Variants in LRIT2 observed in about 807,000 individuals in gnomAD.
The protein encoded by LRIT2 is leucine rich repeat, Ig-like and transmembrane domains 2.
LRIT2 carries 23 observed loss-of-function variants against 22.4 expected under a neutral mutation model. The observed-to-expected ratio is 1.03, with a 90% CI of 0.74 to 1.45. The LOEUF is 1.45. Ranked by LOEUF, LRIT2 falls within the 40% of genes most tolerant of loss-of-function variation. The pLI, the probability that LRIT2 is intolerant of heterozygous loss-of-function variation, is 0.00. For synonymous variants in LRIT2, 291 were observed against 267.1 expected, an observed-to-expected ratio of 1.09 and a Z score of -0.87; for missense variants, 784 against 665.6, an observed-to-expected ratio of 1.18 and a Z score of -1.96.
At position 84,222,526 on chromosome 10, in the gene LRIT2, G is replaced by T; in HGVS notation, c.1047C>A (p.Ala349=). Residue 349 remains alanine, a synonymous_variant, in exon 3 of 3, where the codon GCC becomes GCA. Transcript: ENST00000372113. ...VISLHVQPAQ[A]LHAPDSLSIP... ...TGGAAAGAGAATCAGGTGCATGTAG[G>T]GCCTGGGCAGGCTGGACATGGAGAG... 6.2e-7 allele frequency: 1 copy of T among 1,613,980 alleles called. No individual in the cohort carries two copies. The highest frequency in any genetic ancestry group is 8.5e-7 in the Non-Finnish European group (1 of 1,180,012).
Position 84,220,602 on chromosome 10 carries a change from AT to A in LRIT2, c.*1317del, listed in dbSNP as rs1243911336. 2 of 152,170 alleles carry A rather than the reference AT, an allele frequency of 1.3e-5. No individual in the cohort carries two copies. Among genetic ancestry groups the A allele is most frequent in the East Asian group, 3.8e-4 (2 of 5,202 alleles). The allele number at this position is 152,170 out of a possible 1,614,324, so 9.4% of individuals were successfully genotyped here. A position where few individuals can be genotyped will look rare whatever the true frequency, so the allele number is the denominator to read the frequency against. On this transcript the variant is annotated 3_prime_UTR_variant, in exon 3 of 3. Coordinates refer to ENST00000372113, the MANE Select transcript of LRIT2 (RefSeq NM_001017924.5). Reference sequence around the variant, plus strand: ...TGAGAGCCATCTTCAATTTTTTAAAATTTATTGTTAACTAACATTGATTATG... The same window carrying A: ...TGAGAGCCATCTTCAATTTTTTAAAATTATTGTTAACTAACATTGATTATG...
In LRIT2 at chr10:84,225,460, G is replaced by C. The variant is rs369307601; in HGVS notation, c.61C>G (p.Gln21Glu). ...VLVFLDTHAA[Q>E]PFCLPGCTCS... Reference sequence around the variant, plus strand: ...GTGCATCCTGGCAGACAGAAAGGCTGAGCTGCGTGTGTATCCAGAAAGACC... The same window carrying C: ...GTGCATCCTGGCAGACAGAAAGGCTCAGCTGCGTGTGTATCCAGAAAGACC... Residue 21 changes from glutamine (Q) to glutamate (E), a missense_variant, in exon 1 of 3, where the codon CAG (glutamine) becomes GAG (glutamate). By Grantham distance (29) the Gln-to-Glu change is conservative (BLOSUM62 2). Transcript: ENST00000372113. The C allele has an allele frequency of 1.9e-5, 30 of 1,614,194 alleles. No individual in the cohort carries two copies. The highest frequency in any genetic ancestry group is 2.3e-5 in the Non-Finnish European group (27 of 1,180,040).
chr10:84,222,209 C>T lies in LRIT2; in HGVS notation c.1364G>A (p.Gly455Asp). ...CVAFVTGRDA[G>D]GLEAREHLLH... is the part of the protein sequence containing the mutation. ...GAGGTGCTCACGTGCCTCTAGCCCA[C>T]CAGCATCTCTGCCTGTTACAAAAGC... is the stretch of plus-strand genomic sequence containing the variant. Residue 455 changes from glycine (G) to aspartate (D), a missense_variant, in exon 3 of 3, where the codon GGT becomes GAT. By Grantham distance (94) the Gly-to-Asp change is moderately conservative. Transcript: ENST00000372113. The T allele has an allele frequency of 6.2e-7, 1 of 1,614,228 alleles. No individual in the cohort carries two copies. Among genetic ancestry groups the T allele is most frequent in the Non-Finnish European group, 8.5e-7 (1 of 1,180,050 alleles).
chr10:84,224,819 G>A lies in LRIT2; in HGVS notation c.406C>T (p.Arg136Cys), dbSNP rs763874055. 5.6e-6 allele frequency: 9 copies of A among 1,613,982 alleles called. No homozygotes were observed. The highest frequency in any genetic ancestry group is 1.1e-5 in the South Asian group (1 of 91,080). Residue 136 changes from arginine (R) to cysteine (C), a missense_variant, in exon 2 of 3, where the codon CGC (arginine) becomes TGC (cysteine). By Grantham distance (180) the Arg-to-Cys change is radical. Coordinates refer to ENST00000372113, the MANE Select transcript of LRIT2 (RefSeq NM_001017924.5). ...TPLLRVLDLK[R>C]NKIDALPELA... is the part of the protein sequence containing the mutation. ...TCAGGGAGTGCATCAATCTTGTTGCGTTTGAGATCCAAGACCCTCAGGAGA... is the reference window on the plus strand; with the variant it reads ...TCAGGGAGTGCATCAATCTTGTTGCATTTGAGATCCAAGACCCTCAGGAGA...
intron 2 of LRIT2, among the ~76,000 whole-genome samples, chr10:84,223,737 T>C (rs1842534312): frequency 6.6e-6 from 1 of 152,088 alleles, no homozygotes; most frequent in Admixed American, 6.6e-5. Context: ...CCAGCTGAGG[T>C]ATGAAAACAG....
At position 84,221,156 on chromosome 10, in the gene LRIT2, C is replaced by G. The variant is rs34338184; in HGVS notation, c.*764G>C. 3 of 152,268 alleles carry G rather than the reference C, an allele frequency of 2.0e-5. No homozygotes were observed. Among genetic ancestry groups the G allele is most frequent in the Non-Finnish European group, 2.9e-5 (2 of 68,070 alleles). 9.4% of individuals were successfully genotyped at this position (152,268 alleles called of 1,614,324 possible). On this transcript the variant is annotated 3_prime_UTR_variant, in exon 3 of 3. Transcript: ENST00000372113. Reference sequence around the variant, plus strand: ...GGTATGGCCCTGCAGAGTCTGCTCTCTGCCAGACCCAGGGCTGCAGCCAAT... The same window carrying G: ...GGTATGGCCCTGCAGAGTCTGCTCTGTGCCAGACCCAGGGCTGCAGCCAAT...
rs1295110262 is a variant in LRIT2 at position 84,224,596 on chromosome 10, C to T, written c.629G>A (p.Gly210Glu). 1.9e-6 allele frequency: 3 copies of T among 1,613,556 alleles called. No individual in the cohort carries two copies. The highest frequency in any genetic ancestry group is 2.2e-5 in the East Asian group (1 of 44,874). Reference protein sequence around the residue: ...NPWVCDCRLRGLVQFVKSITL... With the variant: ...NPWVCDCRLRELVQFVKSITL... ...AATGGACTTGACAAACTGGACAAGC[C>T]CCCTTAGGCGACAGTCACATACCCA... The change falls in exon 2 of 3, where the codon GGG becomes GAG. Residue 210 changes from glycine (G) to glutamate (E), a missense_variant. Physicochemically the swap from Gly to Glu is moderately conservative, Grantham distance 98. Transcript: ENST00000372113.
chr10:84,222,383 T>C lies in LRIT2; in HGVS notation c.1190A>G (p.Tyr397Cys). Residue 397 changes from tyrosine to cysteine, a missense_variant, in exon 3 of 3, where the codon TAC becomes TGC. Coordinates refer to ENST00000372113, the MANE Select transcript of LRIT2 (RefSeq NM_001017924.5). ...CCTGAAGGCTTCATCCGATGCAATG[T>C]AGAGGGTGAACCACTCCTCCTTAGA... is the stretch of plus-strand genomic sequence containing the variant. The part of the protein sequence containing the change: ...DTSKEEWFTL[Y>C]IASDEAFRKE... The C allele has an allele frequency of 6.2e-7, 1 of 1,614,144 alleles. No homozygotes were observed. Among genetic ancestry groups the C allele is most frequent in the Non-Finnish European group, 8.5e-7 (1 of 1,180,024 alleles).
chr10:84,224,147 A>G (rs898026758), intron 2 of LRIT2, among the ~76,000 whole-genome samples, 186 bp downstream of exon 2: 1 of 152,262 alleles, frequency 6.6e-6, no homozygotes, highest in African/African-American at 2.4e-5. Flanking sequence ...CATTTAAAAT[A>G]ATGCCAATAG....
intron 2 of LRIT2, 38 bp from the exon 3 acceptor site, chr10:84,222,718 C>A (rs763958229): frequency 2.5e-5 from 40 of 1,608,714 alleles, no homozygotes; most frequent in Non-Finnish European, 3.4e-5. Flanking sequence ...GTGCATTTAT[C>A]TGATAGACTG....
At position 84,224,604 on chromosome 10, in the gene LRIT2, G is replaced by A. The variant is rs1009587990; in HGVS notation, c.621C>T (p.Arg207=). 2 of 1,613,604 alleles carry A rather than the reference G, an allele frequency of 1.2e-6. No homozygotes were observed. The highest frequency in any genetic ancestry group is 2.7e-5 in the African/African-American group (2 of 74,884). ...TGACAAACTGGACAAGCCCCCTTAG[G>A]CGACAGTCACATACCCAGGGGTTGT... ...LHDNPWVCDC[R]LRGLVQFVKS... is the part of the protein sequence containing the mutation. The change falls in exon 2 of 3, where the codon CGC becomes CGT. Residue 207 remains arginine (R), a synonymous_variant. Coordinates refer to ENST00000372113, the MANE Select transcript of LRIT2 (RefSeq NM_001017924.5).
rs975812497 is a variant in LRIT2 at position 84,221,169 on chromosome 10, G to T, written c.*751C>A. On this transcript the variant is annotated 3_prime_UTR_variant, in exon 3 of 3. Transcript: ENST00000372113. ...AGAGTCTGCTCTCTGCCAGACCCAG[G>T]GCTGCAGCCAATCCCCTACTCTTCC... is the stretch of plus-strand genomic sequence containing the variant. 2.0e-5 allele frequency: 3 copies of T among 152,236 alleles called. No homozygotes were observed. Among genetic ancestry groups the T allele is most frequent in the Admixed American group, 2.0e-4 (3 of 15,280 alleles). The allele number at this position is 152,236 out of a possible 1,614,324, so 9.4% of individuals were successfully genotyped here.
At position 84,225,406 on chromosome 10, in the gene LRIT2, C is replaced by G; in HGVS notation, c.110+5G>C. 4 of 1,613,572 alleles carry G rather than the reference C, an allele frequency of 2.5e-6. No individual in the cohort carries two copies. In the South Asian group the frequency reaches 4.4e-5, roughly 18 times the overall value. On this transcript the variant is annotated splice_donor_5th_base_variant and intron_variant, in intron 1 of 2. Transcript: ENST00000372113. ...ACCCTCTAACATCTGGCCAGCAGAG[C>G]GCACCTGCCAAAACTCTCCTCTGAG...
rs1842519001 is a variant in LRIT2, at chr10:84,222,396, ACTC to A, written c.1174_1176del (p.Glu392del). ...TCCGATGCAATGTAGAGGGTGAACC[ACTC>A]CTCCTTAGAGGTGTCAGCCACTGCA... On this transcript the variant is annotated inframe_deletion, in exon 3 of 3. Transcript: ENST00000372113. 2 of 1,613,898 alleles carry A rather than the reference ACTC, an allele frequency of 1.2e-6. No homozygotes were observed. The highest frequency in any genetic ancestry group is 1.7e-4 in the Middle Eastern group (1 of 6,060).
At position 84,222,680 on chromosome 10, in the gene LRIT2, A is replaced by T; in HGVS notation, c.893T>A (p.Val298Glu). 1.9e-6 allele frequency: 3 copies of T among 1,612,736 alleles called. No homozygotes were observed. The highest frequency in any genetic ancestry group is 1.3e-5 in the African/African-American group (1 of 75,006). The change falls in exon 3 of 3, where the codon GTG (valine) becomes GAG (glutamate). Residue 298 changes from valine to glutamate, a missense_variant and splice_region_variant. Transcript: ENST00000372113. ...GTCTTCTCCAGTAGAAGATGTCAAC[A>T]CTGGGTGGAAAGAAAAACAAAACAG... is the stretch of plus-strand genomic sequence containing the variant. ...YPLSMWREFD[V>E]LTSSTGEDTA...
In LRIT2 at chr10:84,224,848, G is replaced by A. The variant is rs746829550; in HGVS notation, c.377C>T (p.Thr126Ile). Reference protein sequence around the residue: ...CSVPWTAFRATPLLRVLDLKR... With the variant: ...CSVPWTAFRAIPLLRVLDLKR... ...GAGATCCAAGACCCTCAGGAGAGGG[G>A]TGGCACGGAACGCTGTCCATGGTAC... is the stretch of plus-strand genomic sequence containing the variant. Residue 126 changes from threonine (T) to isoleucine (I), a missense_variant, in exon 2 of 3, where the codon ACC (threonine) becomes ATC (isoleucine). Coordinates refer to ENST00000372113, the MANE Select transcript of LRIT2 (RefSeq NM_001017924.5). 7 of 1,614,018 alleles carry A rather than the reference G, an allele frequency of 4.3e-6. No individual in the cohort carries two copies. The highest frequency in any genetic ancestry group is 2.2e-5 in the South Asian group (2 of 91,086).
At chr10:84,224,220 A>T in intron 2 of LRIT2, 113 bp downstream of exon 2, 1 of 1,060,182 alleles carries the variant, frequency 9.4e-7, no homozygotes, top group Non-Finnish European at 1.3e-6. Context: ...TCCCAATCTT[A>T]CTTGCACCCA....
chr10:84,224,425 C>T lies in LRIT2; in HGVS notation c.800G>A (p.Gly267Glu), dbSNP rs1467063051. 6.2e-7 allele frequency: 1 copy of T among 1,614,238 alleles called. No homozygotes were observed. The highest frequency in any genetic ancestry group is 8.5e-7 in the Non-Finnish European group (1 of 1,180,044). The change falls in exon 2 of 3, where the codon GGA (glycine) becomes GAA (glutamate). Residue 267 changes from glycine (G) to glutamate (E), a missense_variant. Transcript: ENST00000372113. ...TPSANITIRA[G>E]QNVTLRCLAQ... ...CAAGCATCGCAGGGTCACATTCTGTCCTGCCCGGATGGTGATATTGGCACT... is the reference window on the plus strand; with the variant it reads ...CAAGCATCGCAGGGTCACATTCTGTTCTGCCCGGATGGTGATATTGGCACT...
intron 1 of LRIT2, 25 bp downstream of exon 1, chr10:84,225,386 C>T (rs778202056): frequency 2.5e-6 from 4 of 1,610,304 alleles, no homozygotes; most frequent in Admixed American, 1.7e-5. Flanking sequence ...CCATAACCCT[C>T]TAACATCTGG....
Sources: gnomAD v4.1 joint callset for allele counts (sites outside exome capture counted in the v4.1 genomes callset) on GRCh38, gnomAD v4.1.1 for gene constraint, MANE v1.5 for transcripts, NCBI Gene and HGNC (gene_info 2026-07-23, HGNC 2026-07-21) for gene names.